The following ROCK1 variants were observed in gnomAD, a reference collection of about 807,000 sequenced individuals.
The protein encoded by ROCK1 is Rho associated coiled-coil containing protein kinase 1.
Under a neutral mutation model 196.8 loss-of-function variants are expected in ROCK1, and 36 were observed. The ratio of observed to expected loss-of-function variants is 0.18; its 90% CI spans 0.14 to 0.24. The LOEUF is 0.24. Ranked by LOEUF, ROCK1 falls within the 10% of genes least tolerant of loss-of-function variation. The pLI is 1.00. For synonymous variants in ROCK1, 443 were observed against 515.9 expected (o/e 0.86, Z 1.91); for missense variants, 920 against 1,562.0 (o/e 0.59, Z 6.93).
intron 4 of ROCK1, among the ~76,000 whole-genome samples, chr18:21,046,805 TC>T (rs1375632440): frequency 1.3e-5 from 2 of 152,248 alleles, no homozygotes; most frequent in Non-Finnish European, 2.9e-5. Context: ...TTCATTTTTT[TC>T]AACTGTGTTT....
In ROCK1 at chr18:21,071,578, A is replaced by T. The variant is rs75567974; in HGVS notation, c.94-965T>A. On this transcript the variant is annotated intron_variant, in intron 1 of 32. Coordinates refer to ENST00000399799, the MANE Select transcript of ROCK1 (RefSeq NM_005406.3). The stretch of plus-strand genomic sequence containing the variant: ...TTGAAGTGGGAAAGCATCTATTCAG[A>T]CTATATCCTGCTGCATGGCAGGAAC... Among the ~76,000 whole-genome samples the T allele has an allele frequency of 2.5e-3, 388 of 152,262 alleles. 7 individuals are homozygous for T. The East Asian group carries it at 0.06, about 24-fold the overall frequency.
At position 20,947,085 on chromosome 18, in the gene ROCK1, T is replaced by C. The variant is rs1173926887; in HGVS notation, c.*4299A>G. The C allele has an allele frequency of 1.3e-5, 2 of 152,352 alleles. No homozygotes were observed. The highest frequency in any genetic ancestry group is 2.1e-4 in the South Asian group (1 of 4,834). The allele number at this position is 152,352 out of a possible 1,614,324, so 9.4% of individuals were successfully genotyped here. ...CTCAAATACTTTATGGGAAACAGTA[T>C]AGCTTGGGAGAAAGTATCATATCTT... On this transcript the variant is annotated 3_prime_UTR_variant, in exon 33 of 33. Coordinates refer to ENST00000399799, the MANE Select transcript of ROCK1 (RefSeq NM_005406.3).
rs1002166951 is a variant in ROCK1, at chr18:20,950,238, C to A, written c.*1146G>T. 2 of 152,332 alleles carry A rather than the reference C, an allele frequency of 1.3e-5. No individual in the cohort carries two copies. The highest frequency in any genetic ancestry group is 2.4e-5 in the African/African-American group (1 of 41,420). 9.4% of individuals were successfully genotyped at this position (152,332 alleles called of 1,614,324 possible). A position where few individuals can be genotyped will look rare whatever the true frequency, so the allele number is the denominator to read the frequency against. ...TTCCTTTTTATGTTGGTGCAACCTT[C>A]TACATTTTTTGCAGTTTTATAAAGT... On this transcript the variant is annotated 3_prime_UTR_variant, in exon 33 of 33. Transcript: ENST00000399799.
chr18:21,017,348 C>T (rs1485402542), intron 12 of ROCK1, among the ~76,000 whole-genome samples: 8 of 151,756 alleles, frequency 5.3e-5, no homozygotes, highest in Non-Finnish European at 7.4e-5. Context: ...CCCGCCACCG[C>T]GCCCAGCTAA....
chr18:20,974,348 A>T (rs758079039), intron 22 of ROCK1, among the ~76,000 whole-genome samples: 13 of 152,178 alleles, frequency 8.5e-5, no homozygotes, highest in Non-Finnish European at 1.8e-4. Flanking sequence ...CAAATCTAAG[A>T]ATATTGGGAG....
chr18:21,049,204 A>T lies in ROCK1; in HGVS notation c.302T>A (p.Val101Glu). Residue 101 changes from valine to glutamate, a missense_variant, in exon 4 of 33, where the codon GTA becomes GAA. Around this residue, in one of 6 missense-constraint regions of ROCK1, gnomAD observed 234 missense variants for 460.7 expected, o/e 0.51. Transcript: ENST00000399799. ...QLVRHKSTRK[V>E]YAMKLLSKFE... ...TTTGCTGAGAAGCTTCATAGCATAT[A>T]CCTTCCTGGTGGATTTATGCCTTAC... 1 of 1,605,750 alleles carries T rather than the reference A, an allele frequency of 6.2e-7. No individual in the cohort carries two copies. The highest frequency in any genetic ancestry group is 8.5e-7 in the Non-Finnish European group (1 of 1,175,516).
At chr18:21,015,629 G>A in intron 12 of ROCK1, 150 bp from the exon 13 acceptor site, 1 of 615,930 alleles carries the variant, frequency 1.6e-6, no homozygotes, top group Non-Finnish European at 2.9e-6. Context: ...TGAAGCCTAT[G>A]GCCTTTTTTC....
At chr18:21,053,489 G>A (rs1489833755) in intron 2 of ROCK1, among the ~76,000 whole-genome samples, 1 of 152,082 alleles carries the variant, frequency 6.6e-6, no homozygotes, top group Non-Finnish European at 1.5e-5. Context: ...TTAAAAAAAT[G>A]CTTTGCCACC....
Position 21,041,233 on chromosome 18 carries a change from A to G in ROCK1, c.959+864T>C, listed in dbSNP as rs181498252. 4.6e-5 allele frequency among the ~76,000 whole-genome samples: 7 copies of G among 150,642 alleles called. No homozygotes were observed. The East Asian group carries it at 1.4e-3, about 29-fold the overall frequency. On this transcript the variant is annotated intron_variant, in intron 8 of 32. Coordinates refer to ENST00000399799, the MANE Select transcript of ROCK1 (RefSeq NM_005406.3). ...GATCACTTGATCCCAGGAGTTTGAA[A>G]CCAGCCTGGGCAACAGAGCAAAACC...
chr18:20,968,255 T>A (rs1256817099), intron 25 of ROCK1, among the ~76,000 whole-genome samples: 1 of 152,166 alleles, frequency 6.6e-6, no homozygotes, highest in Non-Finnish European at 1.5e-5. Context: ...ACTCTTATCT[T>A]CTACAACTAT....
At chr18:21,047,568 C>T (rs1204674206) in intron 4 of ROCK1, among the ~76,000 whole-genome samples, 4 of 152,032 alleles carry the variant, frequency 2.6e-5, no homozygotes, top group Admixed American at 6.6e-5. Context: ...CCGAGGCAGG[C>T]GGATCACGAG....
chr18:20,979,225 G>A (rs1038173747), intron 22 of ROCK1, among the ~76,000 whole-genome samples: 6 of 151,992 alleles, frequency 3.9e-5, no homozygotes, highest in African/African-American at 9.7e-5. Context: ...CACCATGCCC[G>A]GCCATAACCT....
chr18:21,087,972 G>A (rs1224375644), intron 1 of ROCK1, among the ~76,000 whole-genome samples: 1 of 152,098 alleles, frequency 6.6e-6, no homozygotes, highest in African/African-American at 2.4e-5. Flanking sequence ...TGTGTTCTTT[G>A]ACCAAAATGT....
intron 2 of ROCK1, 43 bp downstream of exon 2, chr18:21,070,489 G>T: frequency 9.7e-7 from 1 of 1,027,398 alleles, no homozygotes; most frequent in African/African-American, 1.6e-5. Flanking sequence ...TGAAAATGTA[G>T]TTATATGAAG....
chr18:20,958,638 T>G (rs540636920), intron 29 of ROCK1, among the ~76,000 whole-genome samples: 11 of 151,082 alleles, frequency 7.3e-5, no homozygotes, highest in Admixed American at 2.7e-4. Context: ...TTCTTTTATA[T>G]CCACAGGGAA....
chr18:20,987,694 C>T (rs2035589198), intron 18 of ROCK1, among the ~76,000 whole-genome samples: 1 of 152,148 alleles, frequency 6.6e-6, no homozygotes, highest in Non-Finnish European at 1.5e-5. Context: ...TAGTAAGTTG[C>T]CCCATAAGGA....
intron 1 of ROCK1, among the ~76,000 whole-genome samples, chr18:21,084,189 G>A (rs1282512929): frequency 2.6e-5 from 4 of 151,900 alleles, no homozygotes; most frequent in African/African-American, 9.7e-5. Flanking sequence ...AGAAAACATA[G>A]GGGGAAGCTT....
intron 11 of ROCK1, among the ~76,000 whole-genome samples, chr18:21,023,033 G>C (rs2035927458): frequency 1.3e-5 from 2 of 151,968 alleles, no homozygotes; most frequent in Non-Finnish European, 2.9e-5. Flanking sequence ...GAGGTACCTG[G>C]AATAGGCAAA....
At chr18:21,021,688 C>T (rs116781553) in intron 11 of ROCK1, among the ~76,000 whole-genome samples, 1 of 151,992 alleles carries the variant, frequency 6.6e-6, no homozygotes, top group African/African-American at 2.4e-5. Flanking sequence ...TTAGTATATC[C>T]CCCCTGATAT....
Sources: gnomAD v4.1 joint callset for allele counts (sites outside exome capture counted in the v4.1 genomes callset) on GRCh38, gnomAD v4.1.1 for gene constraint, gnomAD v4.1.1 regional missense constraint, MANE v1.5 for transcripts, NCBI Gene and HGNC (gene_info 2026-07-23, HGNC 2026-07-21) for gene names.